ANO4: variants seen among roughly 807,000 people sequenced by gnomAD.
ANO4 encodes the protein anoctamin 4, also known as anoctamin-4.
ANO4 carries 69 observed loss-of-function variants against 141.9 expected under a neutral mutation model. The ratio of observed to expected loss-of-function variants is 0.49; its 90% CI spans 0.40 to 0.59. ANO4 has a LOEUF of 0.59. ANO4 is among the 20% of genes least tolerant of loss of function. The pLI is 0.00. For missense variants in ANO4, 894 were observed against 1,162.2 expected (o/e 0.77, Z 3.36); for synonymous variants, 350 against 394.3 (o/e 0.89, Z 1.33).
chr12:100,902,781 A>G (rs1410135791), intron 2 of ANO4, among the ~76,000 whole-genome samples: 2 of 152,174 alleles, frequency 1.3e-5, no homozygotes, highest in African/African-American at 4.8e-5. Context: ...ATTGCTCTTT[A>G]TGCATCATTC....
chr12:100,982,337 T>G (rs78608308), intron 7 of ANO4, among the ~76,000 whole-genome samples: 14,505 of 152,248 alleles, frequency 0.095, 836 homozygotes, highest in Admixed American at 0.18. Flanking sequence ...TTAAGTAAAG[T>G]CTATACTAAA....
chr12:100,810,456 G>A (rs958571291), intron 1 of ANO4, among the ~76,000 whole-genome samples: 5 of 152,054 alleles, frequency 3.3e-5, no homozygotes, highest in African/African-American at 1.2e-4. Flanking sequence ...TTTTTCATAC[G>A]GCAGTAGCAT....
chr12:101,062,780 G>T (rs2048404830), intron 14 of ANO4, among the ~76,000 whole-genome samples: 1 of 152,216 alleles, frequency 6.6e-6, no homozygotes, highest in African/African-American at 2.4e-5. Context: ...TGCTATGCTG[G>T]CAGCAAGAAT....
chr12:101,080,882 ATTAT>A (rs1189460300), intron 15 of ANO4, among the ~76,000 whole-genome samples: 4 of 91,278 alleles, frequency 4.4e-5, no homozygotes, highest in East Asian at 2.4e-4. Flanking sequence ...ATATATATAT[ATTAT>A]ATATATATAT....
intron 10 of ANO4, chr12:101,039,145 T>C (rs1019278262): frequency 6.6e-6 from 1 of 152,200 alleles, no homozygotes; most frequent in African/African-American, 2.4e-5. Context: ...TCTAGAATTT[T>C]CTTGTCGATA....
chr12:101,080,904 T>TATAC (rs2049243790), intron 15 of ANO4, among the ~76,000 whole-genome samples: 2 of 118,362 alleles, frequency 1.7e-5, no homozygotes, highest in South Asian at 2.9e-4. Context: ...TATATATACA[T>TATAC]ACACATATAC....
chr12:100,746,594 G>T (rs572735677), intron 3 of ANO4, among the ~76,000 whole-genome samples: 1 of 152,306 alleles, frequency 6.6e-6, no homozygotes, highest in African/African-American at 2.4e-5. Flanking sequence ...GGCAATGTCT[G>T]CAGATATTTT....
chr12:100,957,082 C>G (rs1231323447), intron 5 of ANO4, among the ~76,000 whole-genome samples: 1 of 152,142 alleles, frequency 6.6e-6, no homozygotes, highest in Non-Finnish European at 1.5e-5. Context: ...TGTGTTGCCA[C>G]AACAGAATAC....
intron 7 of ANO4, among the ~76,000 whole-genome samples, chr12:100,983,773 A>G (rs1174772866): frequency 6.6e-6 from 1 of 152,218 alleles, no homozygotes; most frequent in Admixed American, 6.5e-5. Flanking sequence ...ACTTGAGCCC[A>G]TCTGAGTAAT....
intron 1 of ANO4, among the ~76,000 whole-genome samples, chr12:100,866,158 C>T (rs1242290215): frequency 2.0e-5 from 3 of 152,114 alleles, no homozygotes; most frequent in African/African-American, 7.2e-5. Flanking sequence ...TCTCTTTGTC[C>T]TCTCAGTATA....
At chr12:100,991,997 A>AG (rs2045140738) in intron 8 of ANO4, among the ~76,000 whole-genome samples, 1 of 152,168 alleles carries the variant, frequency 6.6e-6, no homozygotes, top group Non-Finnish European at 1.5e-5. Flanking sequence ...TCTGGAAGCT[A>AG]TTCTAGACAC....
intron 1 of ANO4, among the ~76,000 whole-genome samples, chr12:100,824,524 T>G (rs1378294395): frequency 6.6e-6 from 1 of 152,062 alleles, no homozygotes; most frequent in Non-Finnish European, 1.5e-5. Flanking sequence ...CAAATGGACT[T>G]AAGATGACTT....
intron 2 of ANO4, among the ~76,000 whole-genome samples, chr12:100,902,079 T>A (rs974960248): frequency 6.6e-6 from 1 of 152,176 alleles, no homozygotes; most frequent in Non-Finnish European, 1.5e-5. Flanking sequence ...TGGTAGAATC[T>A]AAATGAAAAT....
intron 14 of ANO4, among the ~76,000 whole-genome samples, chr12:101,055,756 AT>A (rs933781245): frequency 6.6e-6 from 1 of 151,800 alleles, no homozygotes; most frequent in African/African-American, 2.4e-5. Flanking sequence ...AGTTTCTAAG[AT>A]TTTCGTCTAT....
chr12:100,927,124 T>C (rs1454641193), intron 3 of ANO4, among the ~76,000 whole-genome samples: 1 of 152,168 alleles, frequency 6.6e-6, no homozygotes, highest in Non-Finnish European at 1.5e-5. Context: ...GGCAGCTCAG[T>C]AGTAACCAGT....
At chr12:100,727,746 C>T (rs1454161771) in intron 1 of ANO4, among the ~76,000 whole-genome samples, 1 of 151,818 alleles carries the variant, frequency 6.6e-6, no homozygotes, top group Non-Finnish European at 1.5e-5. Flanking sequence ...TGACTTTCCC[C>T]CTCATTTATT....
intron 9 of ANO4, among the ~76,000 whole-genome samples, chr12:101,030,041 A>C (rs550795090): frequency 6.6e-6 from 1 of 152,260 alleles, no homozygotes; most frequent in East Asian, 1.9e-4. Flanking sequence ...GGAGACTTTA[A>C]CACTCCACCA....
chr12:100,922,188 AC>A, intron 2 of ANO4, 37 bp from the exon 3 acceptor site: 1 of 1,439,302 alleles, frequency 6.9e-7, no homozygotes, highest in South Asian at 1.3e-5. Flanking sequence ...CTCTCTGATA[AC>A]CAGTGCAAAC....
At chr12:100,757,652 C>T (rs1246057473) in intron 3 of ANO4, among the ~76,000 whole-genome samples, 1 of 152,198 alleles carries the variant, frequency 6.6e-6, no homozygotes, top group Admixed American at 6.5e-5. Context: ...AGTCCACTTG[C>T]TCCGTTAGTT....
Sources: gnomAD v4.1 joint callset for allele counts (sites outside exome capture counted in the v4.1 genomes callset) on GRCh38, gnomAD v4.1.1 for gene constraint, MANE v1.5 for transcripts, NCBI Gene and HGNC (gene_info 2026-07-23, HGNC 2026-07-21) for gene names.